The following SMARCA4 variants were observed in gnomAD, a reference collection of about 807,000 sequenced individuals.
SMARCA4 encodes the protein SWI/SNF related BAF chromatin remodeling complex subunit ATPase 4, also known as SWI/SNF-related matrix-associated actin-dependent regulator of chromatin subfamily A member 4.
Under a neutral mutation model 193.9 loss-of-function variants are expected in SMARCA4, and 31 were observed. The ratio of observed to expected loss-of-function variants is 0.16; its 90% confidence interval spans 0.12 to 0.22. The LOEUF (loss-of-function observed/expected upper bound fraction) is 0.22. Among genes scored for constraint, SMARCA4 ranks in the 10% least tolerant of loss-of-function variants. The pLI, the probability that SMARCA4 is intolerant of heterozygous loss-of-function variation, is 1.00. For synonymous variants in SMARCA4, 942 were observed against 933.1 expected (o/e 1.01, Z -0.17); for missense variants, 1,148 against 2,296.0 (o/e 0.50, Z 10.22).
chr19:10,983,309 CT>C (rs1188480167), intron 1 of SMARCA4, among the ~76,000 whole-genome samples: 8 of 152,232 alleles, frequency 5.3e-5, no homozygotes, highest in African/African-American at 1.9e-4. Flanking sequence ...ATACTTTATC[CT>C]TTTTAAACTT....
intron 16 of SMARCA4, among the ~76,000 whole-genome samples, chr19:11,017,762 G>A (rs1027874843): frequency 1.3e-5 from 2 of 152,254 alleles, no homozygotes; most frequent in African/African-American, 4.8e-5. Context: ...CAGGCCCTAC[G>A]GGCCAGGTCC....
Position 11,003,167 on chromosome 19 carries a change from G to T in SMARCA4, c.1943+8G>T, listed in dbSNP as rs2087818610. ...GCTCGAGATGAACCCGGGGTGAGTT[G>T]GGCCTTGCATTCCAGATGCAGTGGG... is the stretch of plus-strand genomic sequence containing the variant. On this transcript the variant is annotated splice_region_variant and intron_variant, in intron 12 of 34. Coordinates refer to ENST00000344626, the MANE Select transcript of SMARCA4 (RefSeq NM_003072.5). 2 of 1,614,078 alleles carry T rather than the reference G, an allele frequency of 1.2e-6. No homozygotes were observed. The highest frequency in any genetic ancestry group is 2.7e-5 in the African/African-American group (2 of 75,034).
In SMARCA4 at chr19:11,019,086, C is replaced by G. The variant is rs763316939; in HGVS notation, c.2505+63C>G. ...GAGGTGCAGGCGGTGGTGGGCAGGA[C>G]GTCCACACATACCTCTGGACAGTGA... On this transcript the variant is annotated intron_variant, in intron 17 of 34. Transcript: ENST00000344626. The surrounding 1 kb of genome is among the most constrained non-coding windows in gnomAD (Gnocchi z 6.1). The G allele has an allele frequency of 8.3e-7, 1 of 1,207,106 alleles. No individual in the cohort carries two copies. Among genetic ancestry groups the G allele is most frequent in the Non-Finnish European group, 1.2e-6 (1 of 808,658 alleles). 74.8% of individuals were successfully genotyped at this position (1,207,106 alleles called of 1,614,324 possible). A position where few individuals can be genotyped will look rare whatever the true frequency, so the allele number is the denominator to read the frequency against.
At chr19:10,965,822 A>G (rs1449841746) in intron 1 of SMARCA4, among the ~76,000 whole-genome samples, 1 of 152,132 alleles carries the variant, frequency 6.6e-6, no homozygotes, top group African/African-American at 2.4e-5. Context: ...AATTTTTCTA[A>G]TTAGACAATT....
chr19:10,996,635 A>G, intron 11 of SMARCA4, 91 bp downstream of exon 11: 1 of 1,228,872 alleles, frequency 8.1e-7, no homozygotes, highest in East Asian at 2.3e-5. Flanking sequence ...TTTTAAAATT[A>G]CGAACAATGA....
chr19:11,000,878 T>C (rs575940778), intron 11 of SMARCA4, among the ~76,000 whole-genome samples: 210 of 144,820 alleles, frequency 1.5e-3, no homozygotes, highest in African/African-American at 5.2e-3. Context: ...AAAAAAAAAG[T>C]CATGAAGTGG....
intron 1 of SMARCA4, among the ~76,000 whole-genome samples, chr19:10,964,198 C>T (rs1276916999): frequency 6.6e-6 from 1 of 152,114 alleles, no homozygotes; most frequent in Non-Finnish European, 1.5e-5. Flanking sequence ...CTTGGGAACC[C>T]TCAAAACACC....
At position 10,987,785 on chromosome 19, in the gene SMARCA4, C is replaced by T. The variant is rs770946823; in HGVS notation, c.979C>T (p.Pro327Ser). The T allele has an allele frequency of 6.2e-7, 1 of 1,600,204 alleles. No homozygotes were observed. Among genetic ancestry groups the T allele is most frequent in the Non-Finnish European group, 8.5e-7 (1 of 1,174,188 alleles). The change falls in exon 6 of 35, where the codon CCA (proline) becomes TCA (serine). Residue 327 changes from proline (P) to serine (S), a missense_variant. Coordinates refer to ENST00000344626, the MANE Select transcript of SMARCA4 (RefSeq NM_003072.5). This position sits in a 1 kb window ranked among gnomAD's most constrained non-coding sequence, Gnocchi z 5.3. ...CCCACCCGCCGCCTCGCCCGTGATGCCACCGCAGACCCAGTCCCCCGGGCA... is the reference window on the plus strand; with the variant it reads ...CCCACCCGCCGCCTCGCCCGTGATGTCACCGCAGACCCAGTCCCCCGGGCA... ...AVPPAASPVM[P>S]PQTQSPGQPA...
rs1175093227 is a variant in SMARCA4, at chr19:11,019,391, C to G, written c.2506-200C>G. On this transcript the variant is annotated intron_variant, in intron 17 of 34. Transcript: ENST00000344626. This position sits in a 1 kb window ranked among gnomAD's most constrained non-coding sequence, Gnocchi z 6.1. ...GGCCGCCGCTGGCCTGCACTGCTTC[C>G]TCTTCCCCCTGCAGCGCGTGTTCTG... The G allele has an allele frequency of 4.8e-6, 3 of 620,298 alleles. No homozygotes were observed. The highest frequency in any genetic ancestry group is 2.5e-5 in the Admixed American group (1 of 39,604). 38.4% of individuals were successfully genotyped at this position (620,298 alleles called of 1,614,324 possible).
At chr19:11,028,357 A>T (rs1374712149) in intron 24 of SMARCA4, among the ~76,000 whole-genome samples, 1 of 152,152 alleles carries the variant, frequency 6.6e-6, no homozygotes, top group African/African-American at 2.4e-5. Context: ...TATTGGAGAG[A>T]CTTTTCTCCA....
chr19:11,015,681 C>T (rs1421603554), intron 16 of SMARCA4, among the ~76,000 whole-genome samples: 3 of 152,102 alleles, frequency 2.0e-5, no homozygotes, highest in African/African-American at 7.2e-5. Flanking sequence ...TTTCATGTTG[C>T]CATAAAGGAA....
intron 1 of SMARCA4, among the ~76,000 whole-genome samples, chr19:10,962,773 C>T (rs969532965): frequency 1.5e-4 from 23 of 152,030 alleles, no homozygotes; most frequent in Admixed American, 1.5e-3. Context: ...AAACTCCTGA[C>T]TTAAGGTGAT....
In SMARCA4 at chr19:11,003,530, C is replaced by T. The variant is rs17766161; in HGVS notation, c.2001+133C>T. On this transcript the variant is annotated intron_variant, in intron 13 of 34. Coordinates refer to ENST00000344626, the MANE Select transcript of SMARCA4 (RefSeq NM_003072.5). ...GGGAACAGCAGGGCCCAGGCCTGCCCGAAGTCGGTGCTTTAGAGCTGTCCT... is the reference window on the plus strand; with the variant it reads ...GGGAACAGCAGGGCCCAGGCCTGCCTGAAGTCGGTGCTTTAGAGCTGTCCT... The T allele has an allele frequency of 0.23, 189,073 of 825,812 alleles. 23,341 individuals are homozygous for T. The highest frequency in any genetic ancestry group is 0.32 in the South Asian group (23,246 of 73,080). The allele number at this position is 825,812 out of a possible 1,614,324, so 51.2% of individuals were successfully genotyped here.
At chr19:11,016,846 T>C (rs2089412206) in intron 16 of SMARCA4, among the ~76,000 whole-genome samples, 1 of 152,188 alleles carries the variant, frequency 6.6e-6, no homozygotes, top group Non-Finnish European at 1.5e-5. Flanking sequence ...TCTTGCTTTT[T>C]GGCACCAAGA....
chr19:11,019,409 G>A lies in SMARCA4; in HGVS notation c.2506-182G>A, dbSNP rs761437345. On this transcript the variant is annotated intron_variant, in intron 17 of 34. Coordinates refer to ENST00000344626, the MANE Select transcript of SMARCA4 (RefSeq NM_003072.5). The surrounding 1 kb of genome is among the most constrained non-coding windows in gnomAD (Gnocchi z 6.1). ...CTGCTTCCTCTTCCCCCTGCAGCGC[G>A]TGTTCTGCGTGGTGAGGTCTGGGGA... 199 of 629,168 alleles carry A rather than the reference G, an allele frequency of 3.2e-4. No homozygotes were observed. The highest frequency in any genetic ancestry group is 5.2e-4 in the Non-Finnish European group (181 of 348,952). 39.0% of individuals were successfully genotyped at this position (629,168 alleles called of 1,614,324 possible).
chr19:11,059,922 G>T lies in SMARCA4; in HGVS notation c.4768+37G>T, dbSNP rs537747757. On this transcript the variant is annotated intron_variant, in intron 33 of 34. Transcript: ENST00000344626. The stretch of plus-strand genomic sequence containing the variant: ...GGGGGTTCAGGACGCCGGGGTTCAC[G>T]CTGGCCCGAGAGCCCCCAAGGCCCC... 3 of 1,613,358 alleles carry T rather than the reference G, an allele frequency of 1.9e-6. No individual in the cohort carries two copies. In the East Asian group the frequency reaches 6.7e-5, roughly 36 times the overall value.
Position 11,058,838 on chromosome 19 carries a change from C to G in SMARCA4, c.4584C>G (p.Asp1528Glu), listed in dbSNP as rs9105. Residue 1528 changes from aspartate (D) to glutamate (E), a missense_variant, in exon 32 of 35, where the codon GAC becomes GAG. By Grantham distance (45) the Asp-to-Glu change is conservative (BLOSUM62 2). Transcript: ENST00000344626. This position sits in a 1 kb window ranked among gnomAD's most constrained non-coding sequence, Gnocchi z 5.8. ...GCAGCCTCAACGACCTAGAGAAGGA[C>G]GTCATGCTCCTGTGCCAGAACGCAC... ...KYRSLNDLEK[D>E]VMLLCQNAQT... is the part of the protein sequence containing the mutation. The G allele has an allele frequency of 6.2e-7, 1 of 1,613,920 alleles. No homozygotes were observed.
chr19:10,972,803 T>A (rs1364627408), intron 1 of SMARCA4, among the ~76,000 whole-genome samples: 1 of 152,158 alleles, frequency 6.6e-6, no homozygotes, highest in Non-Finnish European at 1.5e-5. Context: ...CCAGTGGGCC[T>A]CGGCCAGCCG....
At position 10,991,154 on chromosome 19, in the gene SMARCA4, G is replaced by A. The variant is rs2086526099; in HGVS notation, c.1250G>A (p.Arg417His). 2 of 1,613,484 alleles carry A rather than the reference G, an allele frequency of 1.2e-6. No homozygotes were observed. Among genetic ancestry groups the A allele is most frequent in the Non-Finnish European group, 1.7e-6 (2 of 1,179,824 alleles). Residue 417 changes from arginine (R) to histidine (H), a missense_variant, in exon 8 of 35, where the codon CGC becomes CAC. Arg to His is a conservative substitution (Grantham distance 29). Transcript: ENST00000344626. ...LRLLNFQRQL[R>H]QEVVVCMRRD... is the part of the protein sequence containing the mutation. ...TTGTCCTCTTCCCTCCTACAGCTGC[G>A]CCAGGAGGTGGTGGTGTGCATGCGG...
Sources: gnomAD v4.1 joint callset for allele counts (sites outside exome capture counted in the v4.1 genomes callset) on GRCh38, gnomAD v4.1.1 for gene constraint, Gnocchi (gnomAD v3.1) non-coding constraint, MANE v1.5 for transcripts, NCBI Gene and HGNC (gene_info 2026-07-23, HGNC 2026-07-21) for gene names.